The following NRG3 variants were observed in gnomAD, a reference collection of about 807,000 sequenced individuals.
NRG3 encodes pro-neuregulin-3, membrane-bound isoform.
A neutral mutation model predicts 66.9 loss-of-function variants in NRG3; 31 were observed. That is an observed-to-expected ratio of 0.46 (90% CI 0.35 to 0.63). The LOEUF is 0.63. Among genes scored for constraint, NRG3 ranks in the 20% least tolerant of loss-of-function variants. NRG3 has a pLI of 0.00. For missense variants in NRG3, 910 were observed against 878.9 expected (o/e 1.04, Z -0.45); for synonymous variants, 393 against 359.4 (o/e 1.09, Z -1.06).
chr10:82,164,665 G>A (rs2071894377), intron 1 of NRG3, among the ~76,000 whole-genome samples: 1 of 152,122 alleles, frequency 6.6e-6, no homozygotes, highest in Non-Finnish European at 1.5e-5. Flanking sequence ...GTCAAGAGAT[G>A]GCAGTACTTG....
chr10:82,343,766 C>G (rs1268124368), intron 1 of NRG3, among the ~76,000 whole-genome samples: 1 of 151,766 alleles, frequency 6.6e-6, no homozygotes, highest in African/African-American at 2.4e-5. Context: ...CTGCTCAAAT[C>G]CCCCCTGAAA....
intron 1 of NRG3, among the ~76,000 whole-genome samples, chr10:82,127,974 T>TCC (rs1246027014): frequency 6.6e-6 from 1 of 151,944 alleles, no homozygotes; most frequent in Non-Finnish European, 1.5e-5. Context: ...TGGAAAAGCC[T>TCC]CAAAGATCAC....
chr10:82,087,053 C>T (rs2133469764), intron 1 of NRG3, among the ~76,000 whole-genome samples: 1 of 152,172 alleles, frequency 6.6e-6, no homozygotes, highest in East Asian at 1.9e-4. Flanking sequence ...ATGCCTTATC[C>T]TCAGCTGAGC....
chr10:82,291,199 A>G (rs1044193211), intron 1 of NRG3, among the ~76,000 whole-genome samples: 1 of 152,096 alleles, frequency 6.6e-6, no homozygotes, highest in Non-Finnish European at 1.5e-5. Context: ...ATTTTTATAT[A>G]CTGAAAATGA....
chr10:81,876,539 G>T (rs1020732072), intron 1 of NRG3, among the ~76,000 whole-genome samples: 1 of 152,192 alleles, frequency 6.6e-6, no homozygotes, highest in Non-Finnish European at 1.5e-5. Flanking sequence ...AGGGAGAGAG[G>T]GCCTTCCCGA....
chr10:82,212,353 T>A (rs1451103157), intron 1 of NRG3, among the ~76,000 whole-genome samples: 1 of 152,204 alleles, frequency 6.6e-6, no homozygotes, highest in African/African-American at 2.4e-5. Flanking sequence ...GGAAAGCAAA[T>A]AGTAGCACTC....
intron 2 of NRG3, among the ~76,000 whole-genome samples, chr10:82,521,027 G>A (rs1431211249): frequency 1.3e-5 from 2 of 152,072 alleles, no homozygotes; most frequent in African/African-American, 4.8e-5. Flanking sequence ...ACTCAATACA[G>A]GTACACCTCA....
At chr10:82,554,253 A>G (rs1442548623) in intron 2 of NRG3, among the ~76,000 whole-genome samples, 2 of 152,100 alleles carry the variant, frequency 1.3e-5, no homozygotes, top group Admixed American at 6.6e-5. Context: ...ATTGTATTTT[A>G]TATTTCAAAA....
intron 1 of NRG3, among the ~76,000 whole-genome samples, chr10:82,047,940 G>A (rs1007608363): frequency 2.6e-5 from 4 of 151,946 alleles, no homozygotes; most frequent in African/African-American, 9.7e-5. Flanking sequence ...AAAGGCAGGG[G>A]TTGCAATCCT....
At chr10:82,796,432 G>A (rs1279626180) in intron 3 of NRG3, among the ~76,000 whole-genome samples, 2 of 152,102 alleles carry the variant, frequency 1.3e-5, no homozygotes, top group Admixed American at 1.3e-4. Context: ...TGAAAGTGCT[G>A]CAGCCCTCTG....
intron 4 of NRG3, among the ~76,000 whole-genome samples, chr10:82,900,419 A>G (rs1481852693): frequency 6.6e-6 from 1 of 152,212 alleles, no homozygotes; most frequent in Non-Finnish European, 1.5e-5. Context: ...ACTGTTTAGT[A>G]TGACATTACT....
At chr10:82,549,932 CTG>C (rs2044190072) in intron 2 of NRG3, among the ~76,000 whole-genome samples, 1 of 152,026 alleles carries the variant, frequency 6.6e-6, no homozygotes, top group Admixed American at 6.6e-5. Context: ...GTGGGACACA[CTG>C]AGAGAGTATG....
At chr10:82,058,955 T>G (rs1331442076) in intron 1 of NRG3, among the ~76,000 whole-genome samples, 1 of 152,088 alleles carries the variant, frequency 6.6e-6, no homozygotes, top group East Asian at 1.9e-4. Context: ...ATTTCCAGTA[T>G]GTGGGGAATG....
intron 2 of NRG3, among the ~76,000 whole-genome samples, chr10:82,636,748 T>A (rs2133777215): frequency 6.6e-6 from 1 of 152,212 alleles, no homozygotes; most frequent in Admixed American, 6.5e-5. Context: ...TTTATTTTCT[T>A]TGAGTATATA....
At chr10:82,167,430 A>G (rs1218031508) in intron 1 of NRG3, among the ~76,000 whole-genome samples, 1 of 152,166 alleles carries the variant, frequency 6.6e-6, no homozygotes, top group Non-Finnish European at 1.5e-5. Context: ...AAGTCTGAAT[A>G]TGACTTAGTG....
At chr10:82,372,742 C>T (rs1313437929) in intron 2 of NRG3, among the ~76,000 whole-genome samples, 1 of 152,124 alleles carries the variant, frequency 6.6e-6, no homozygotes, top group Non-Finnish European at 1.5e-5. Flanking sequence ...TACAGGCATG[C>T]ACCACCATGC....
chr10:82,655,510 T>C (rs184947164), intron 2 of NRG3, among the ~76,000 whole-genome samples: 4 of 152,284 alleles, frequency 2.6e-5, no homozygotes, highest in Admixed American at 1.3e-4. Context: ...TTGACAGTTG[T>C]TCACGGGATT....
intron 2 of NRG3, among the ~76,000 whole-genome samples, chr10:82,504,116 G>A (rs1275282871): frequency 6.6e-6 from 1 of 152,170 alleles, no homozygotes; most frequent in Non-Finnish European, 1.5e-5. Context: ...GTAAGCTCTT[G>A]TCTGTGGATT....
chr10:82,931,069 C>T (rs929092421), intron 4 of NRG3, among the ~76,000 whole-genome samples: 3 of 152,094 alleles, frequency 2.0e-5, no homozygotes, highest in Non-Finnish European at 4.4e-5. Flanking sequence ...AGGCCCAGGG[C>T]ATGAAGGACA....
Sources: allele counts gnomAD v4.1 joint callset (sites outside exome capture counted in the v4.1 genomes callset), GRCh38; gene constraint gnomAD v4.1.1; transcripts MANE v1.5; gene names NCBI Gene and HGNC (gene_info 2026-07-23, HGNC 2026-07-21).